Variants in ACACA observed in about 807,000 individuals in gnomAD.
ACACA encodes acetyl-CoA carboxylase alpha, also known as acetyl-CoA carboxylase 1.
In ACACA, 103 loss-of-function variants were observed where a neutral mutation model predicts 296.1. The observed-to-expected ratio is 0.35, with a 90% CI of 0.30 to 0.41. The LOEUF (loss-of-function observed/expected upper bound fraction) is 0.41. Ranked by LOEUF, ACACA falls within the 10% of genes least tolerant of loss-of-function variation. The pLI, the probability that ACACA is intolerant of heterozygous loss-of-function variation, is 1.00. For missense variants in ACACA, 1,554 were observed against 2,989.7 expected (o/e 0.52, Z 11.20); for synonymous variants, 953 against 1,038.6 (o/e 0.92, Z 1.58).
chr17:37,313,908 GT>G (rs1342396341), intron 3 of ACACA, among the ~76,000 whole-genome samples: 1 of 152,034 alleles, frequency 6.6e-6, no homozygotes, highest in Non-Finnish European at 1.5e-5. Flanking sequence ...ACACTCCCAT[GT>G]TTATTACAGC....
chr17:37,111,051 T>G (rs368478649), intron 52 of ACACA, among the ~76,000 whole-genome samples: 1 of 152,232 alleles, frequency 6.6e-6, no homozygotes, highest in African/African-American at 2.4e-5. Context: ...CAGCTACTGT[T>G]TGGAAGCACA....
At chr17:37,247,788 C>A (rs987330770) in intron 18 of ACACA, 1 of 600,036 alleles carries the variant, frequency 1.7e-6, no homozygotes, top group African/African-American at 1.9e-5. Context: ...AAAAGGGGAA[C>A]TTATTTTTCA....
At chr17:37,099,966 T>G (rs560634237) in intron 52 of ACACA, among the ~76,000 whole-genome samples, 5 of 152,272 alleles carry the variant, frequency 3.3e-5, no homozygotes, top group African/African-American at 1.2e-4. Context: ...TGCCCAATTC[T>G]GGGACAATGA....
intron 32 of ACACA, 95 bp from the exon 33 acceptor site, chr17:37,205,967 G>C: frequency 9.4e-7 from 1 of 1,063,700 alleles, no homozygotes. Context: ...CTGAAAAAGA[G>C]ATACACCCCA....
chr17:37,315,700 A>T (rs963247688), intron 3 of ACACA, among the ~76,000 whole-genome samples: 1 of 152,236 alleles, frequency 6.6e-6, no homozygotes, highest in African/African-American at 2.4e-5. Context: ...AGGAAGAGAC[A>T]TATAGGGCAA....
At chr17:37,334,727 C>T (rs2048035241) in intron 2 of ACACA, among the ~76,000 whole-genome samples, 1 of 151,928 alleles carries the variant, frequency 6.6e-6, no homozygotes, top group Non-Finnish European at 1.5e-5. Flanking sequence ...ACTCTCACTG[C>T]ACCCCGTCCA....
chr17:37,264,240 C>T (rs1275413424), intron 10 of ACACA, among the ~76,000 whole-genome samples: 1 of 152,210 alleles, frequency 6.6e-6, no homozygotes, highest in African/African-American at 2.4e-5. Flanking sequence ...ACCAAATGTA[C>T]AACTTGTTCC....
intron 1 of ACACA, chr17:37,365,322 A>T: frequency 2.1e-6 from 1 of 468,806 alleles, no homozygotes; most frequent in Non-Finnish European, 2.8e-6. Context: ...CTCTCCAGTT[A>T]AATCCTGAAG....
At chr17:37,364,934 C>T (rs2049553314) in intron 1 of ACACA, among the ~76,000 whole-genome samples, 1 of 152,160 alleles carries the variant, frequency 6.6e-6, no homozygotes, top group Non-Finnish European at 1.5e-5. Flanking sequence ...TGATCTCTCT[C>T]TCCTTTGAAT....
chr17:37,143,283 CT>C (rs79160054), intron 45 of ACACA, among the ~76,000 whole-genome samples: 10,983 of 137,008 alleles, frequency 0.08, 663 homozygotes, highest in African/African-American at 0.18. Flanking sequence ...ACAGCTGCAA[CT>C]TTTTTTTTTT....
At chr17:37,110,432 T>C (rs1228865526) in intron 52 of ACACA, among the ~76,000 whole-genome samples, 2 of 152,236 alleles carry the variant, frequency 1.3e-5, no homozygotes, top group African/African-American at 2.4e-5. Flanking sequence ...TCTCATTTCT[T>C]GTATGTGTGC....
intron 16 of ACACA, among the ~76,000 whole-genome samples, chr17:37,249,763 T>C (rs1394616549): frequency 6.7e-6 from 1 of 148,252 alleles, no homozygotes; most frequent in Non-Finnish European, 1.5e-5. Flanking sequence ...AACCAGGAGG[T>C]GGGAAGAAAC....
intron 52 of ACACA, among the ~76,000 whole-genome samples, chr17:37,100,554 C>T (rs538480403): frequency 6.8e-6 from 1 of 147,888 alleles, no homozygotes; most frequent in South Asian, 2.1e-4. Context: ...AGAATCAGTC[C>T]AGATTAAAAG....
intron 1 of ACACA, among the ~76,000 whole-genome samples, chr17:37,403,637 CA>C (rs894948360): frequency 6.6e-6 from 1 of 152,074 alleles, no homozygotes; most frequent in African/African-American, 2.4e-5. Flanking sequence ...CTTGGCTTCC[CA>C]AAATGCAGGG....
intron 25 of ACACA, among the ~76,000 whole-genome samples, chr17:37,229,135 C>A (rs1273841564): frequency 7.7e-6 from 1 of 130,240 alleles, no homozygotes; most frequent in Non-Finnish European, 1.6e-5. Flanking sequence ...CAGAGCGAGA[C>A]TCCGTCTCAA....
intron 1 of ACACA, among the ~76,000 whole-genome samples, chr17:37,404,026 GC>G (rs1460140097): frequency 6.6e-6 from 1 of 152,152 alleles, no homozygotes; most frequent in Non-Finnish European, 1.5e-5. Context: ...ATCTGCCTTG[GC>G]CTCCCAAACT....
At chr17:37,341,689 CA>C (rs11433722) in intron 1 of ACACA, among the ~76,000 whole-genome samples, 3,926 of 85,576 alleles carry the variant, frequency 0.046, 55 homozygotes, top group Non-Finnish European at 0.06. Flanking sequence ...GACTCTGTCT[CA>C]AAAAAAAAAA....
chr17:37,386,495 GA>G (rs2050537384), intron 1 of ACACA, among the ~76,000 whole-genome samples: 1 of 152,168 alleles, frequency 6.6e-6, no homozygotes, highest in Non-Finnish European at 1.5e-5. Context: ...GAGAGGCTGA[GA>G]AAGAAGAATC....
At chr17:37,347,347 C>G (rs11263826) in intron 1 of ACACA, among the ~76,000 whole-genome samples, 5,440 of 152,150 alleles carry the variant, frequency 0.036, 210 homozygotes, top group African/African-American at 0.091. Context: ...TGTCCAGTCT[C>G]GAGTATGTCT....
Sources: gnomAD v4.1 joint callset for allele counts (sites outside exome capture counted in the v4.1 genomes callset) on GRCh38, gnomAD v4.1.1 for gene constraint, MANE v1.5 for transcripts, NCBI Gene and HGNC (gene_info 2026-07-23, HGNC 2026-07-21) for gene names.